PCDH15: variants seen among roughly 807,000 people sequenced by gnomAD.
PCDH15 encodes the protein protocadherin related 15.
In PCDH15, 129 loss-of-function variants were observed where a neutral mutation model predicts 178.5. The observed-to-expected ratio is 0.72, with a 90% CI of 0.63 to 0.84. The LOEUF (loss-of-function observed/expected upper bound fraction) is 0.84. PCDH15 is among the 40% of genes least tolerant of loss of function. PCDH15 has a pLI of 0.00. For synonymous variants in PCDH15, 800 were observed against 732.0 expected, an observed-to-expected ratio of 1.09 and a Z score of -1.50; for missense variants, 2,230 against 2,099.9, an observed-to-expected ratio of 1.06 and a Z score of -1.21.
chr10:54,523,009 C>T (rs1004416218), intron 3 of PCDH15, among the ~76,000 whole-genome samples: 1 of 152,160 alleles, frequency 6.6e-6, no homozygotes, highest in African/African-American at 2.4e-5. Flanking sequence ...CAAAGCACTG[C>T]TCTGTAAAAT....
intron 32 of PCDH15, among the ~76,000 whole-genome samples, chr10:53,826,845 C>A (rs1372911416): frequency 6.6e-6 from 1 of 151,996 alleles, no homozygotes; most frequent in Non-Finnish European, 1.5e-5. Context: ...TATAGAAATT[C>A]TGTAATTTCA....
chr10:55,180,846 T>C (rs984249657), intron 1 of PCDH15, among the ~76,000 whole-genome samples: 3 of 152,096 alleles, frequency 2.0e-5, no homozygotes, highest in Non-Finnish European at 2.9e-5. Context: ...TTAACACTTA[T>C]ATGGCACTCT....
chr10:55,292,928 C>A (rs1262021165), intron 1 of PCDH15, among the ~76,000 whole-genome samples: 1 of 151,822 alleles, frequency 6.6e-6, no homozygotes, highest in Non-Finnish European at 1.5e-5. Flanking sequence ...CAGCCCTCTT[C>A]TCATAGCTCC....
intron 1 of PCDH15, among the ~76,000 whole-genome samples, chr10:54,776,437 TAA>T (rs60354820): frequency 6.9e-6 from 1 of 145,266 alleles, no homozygotes. Flanking sequence ...ACCATACAAT[TAA>T]AAAAAAAAAA....
intron 3 of PCDH15, among the ~76,000 whole-genome samples, chr10:54,877,936 CTCTTTTTTTTTTTTTTT>C (rs1954178194): frequency 1.5e-4 from 16 of 104,350 alleles, no homozygotes; most frequent in South Asian, 2.9e-4. Context: ...CTCTCTCTCT[CTCTTTTTTTTTTTTTTT>C]TTTTTTTTTT....
At chr10:53,890,038 G>T (rs2081443418) in intron 26 of PCDH15, among the ~76,000 whole-genome samples, 1 of 152,186 alleles carries the variant, frequency 6.6e-6, no homozygotes, top group Admixed American at 6.5e-5. Flanking sequence ...TGTTCACTTT[G>T]TAAATATTTA....
At chr10:55,530,272 A>G (rs1565228332) in intron 2 of PCDH15, among the ~76,000 whole-genome samples, 1 of 151,878 alleles carries the variant, frequency 6.6e-6, no homozygotes, top group Non-Finnish European at 1.5e-5. Context: ...CAATTCTCTA[A>G]CCATCATTAT....
intron 2 of PCDH15, among the ~76,000 whole-genome samples, chr10:55,567,173 A>G (rs1400056389): frequency 6.6e-6 from 1 of 151,962 alleles, no homozygotes; most frequent in East Asian, 1.9e-4. Flanking sequence ...AGAGTATTCA[A>G]TGGGGAAAAG....
chr10:54,090,336 G>A (rs2094579299), intron 15 of PCDH15, among the ~76,000 whole-genome samples: 2 of 152,150 alleles, frequency 1.3e-5, no homozygotes, highest in African/African-American at 4.8e-5. Context: ...TTCAATGTCT[G>A]TTTATAATTT....
intron 2 of PCDH15, among the ~76,000 whole-genome samples, chr10:54,625,756 C>G (rs978526839): frequency 6.6e-6 from 1 of 152,048 alleles, no homozygotes. Context: ...AAATTGGTAC[C>G]AGTAGAGTGA....
chr10:54,126,472 G>A (rs1034945990), intron 15 of PCDH15, among the ~76,000 whole-genome samples: 1 of 151,936 alleles, frequency 6.6e-6, no homozygotes, highest in Non-Finnish European at 1.5e-5. Flanking sequence ...AAATACGAAA[G>A]ATAAGATAGT....
chr10:55,177,122 G>A (rs1332548593), intron 1 of PCDH15, among the ~76,000 whole-genome samples: 2 of 152,102 alleles, frequency 1.3e-5, no homozygotes, highest in African/African-American at 2.4e-5. Context: ...TCTTGTCAGA[G>A]GGAACCAGGG....
At chr10:54,259,947 G>T (rs934803357) in intron 8 of PCDH15, among the ~76,000 whole-genome samples, 13 of 152,098 alleles carry the variant, frequency 8.5e-5, no homozygotes, top group African/African-American at 2.9e-4. Context: ...TTTTTCCTAA[G>T]AATTTTAGGG....
chr10:55,061,281 T>C (rs955613122), intron 2 of PCDH15, among the ~76,000 whole-genome samples: 3 of 152,134 alleles, frequency 2.0e-5, no homozygotes, highest in Non-Finnish European at 4.4e-5. Flanking sequence ...GGAAGATACA[T>C]AGTTGTCAAA....
At chr10:54,352,518 T>G (rs953907668) in intron 5 of PCDH15, among the ~76,000 whole-genome samples, 1 of 152,172 alleles carries the variant, frequency 6.6e-6, no homozygotes, top group African/African-American at 2.4e-5. Context: ...TGAAGGATAC[T>G]GAATTTTAGA....
At chr10:55,213,450 C>T (rs1275096877) in intron 1 of PCDH15, among the ~76,000 whole-genome samples, 1 of 152,000 alleles carries the variant, frequency 6.6e-6, no homozygotes, top group African/African-American at 2.4e-5. Flanking sequence ...TTCATCTAAA[C>T]ATTTCAAGTC....
At chr10:53,910,044 C>T (rs1311401089) in intron 25 of PCDH15, among the ~76,000 whole-genome samples, 4 of 152,186 alleles carry the variant, frequency 2.6e-5, no homozygotes, top group African/African-American at 4.8e-5. Context: ...TCAACAAGGT[C>T]TGCTGCCTCT....
rs191416879 is a variant in PCDH15 at position 54,224,549 on chromosome 10, G to T, written c.986-10501C>A. 2.0e-5 allele frequency among the ~76,000 whole-genome samples: 3 copies of T among 152,014 alleles called. No homozygotes were observed. In the East Asian group the frequency reaches 5.8e-4, roughly 29 times the overall value. On this transcript the variant is annotated intron_variant, in intron 9 of 37. Transcript: ENST00000644397. ...TTTCTTTTTAGTCATTCCCTTATTTGATCTTGGGATTAATTATATTAATAT... is the reference window on the plus strand; with the variant it reads ...TTTCTTTTTAGTCATTCCCTTATTTTATCTTGGGATTAATTATATTAATAT...
chr10:55,290,403 A>G (rs1842979137), intron 1 of PCDH15, among the ~76,000 whole-genome samples: 2 of 152,140 alleles, frequency 1.3e-5, no homozygotes, highest in South Asian at 2.1e-4. Context: ...AAGTGTCTTC[A>G]TATTTTCTGT....
Sources: gnomAD v4.1 joint callset for allele counts (sites outside exome capture counted in the v4.1 genomes callset) on GRCh38, gnomAD v4.1.1 for gene constraint, MANE v1.5 for transcripts, NCBI Gene and HGNC (gene_info 2026-07-23, HGNC 2026-07-21) for gene names.